Variants in CSMD1 observed in about 807,000 individuals in gnomAD.
CSMD1 encodes the protein CUB and Sushi multiple domains 1, also known as CUB and sushi domain-containing protein 1.
CSMD1 carries 213 observed loss-of-function variants against 417.5 expected under a neutral mutation model. The observed-to-expected ratio is 0.51, with a 90% confidence interval of 0.46 to 0.57. CSMD1 has a LOEUF of 0.57. Ranked by LOEUF, CSMD1 falls within the 20% of genes least tolerant of loss-of-function variation. The pLI is 0.00. For missense variants in CSMD1, 6,923 were observed against 4,529.7 expected (o/e 1.53, Z -15.17); for synonymous variants, 2,862 against 1,736.8 (o/e 1.65, Z -16.11).
chr8:3,776,425 T>C (rs1382550946), intron 5 of CSMD1, among the ~76,000 whole-genome samples: 1 of 152,190 alleles, frequency 6.6e-6, no homozygotes, highest in Non-Finnish European at 1.5e-5. Flanking sequence ...CTCACTCCTG[T>C]CCTTCTCTAA....
At chr8:3,420,361 GA>G (rs1585138512) in intron 12 of CSMD1, among the ~76,000 whole-genome samples, 1 of 151,100 alleles carries the variant, frequency 6.6e-6, no homozygotes, top group Non-Finnish European at 1.5e-5. Context: ...GGGACCAGAT[GA>G]GGCAAGACAA....
intron 2 of CSMD1, among the ~76,000 whole-genome samples, chr8:4,423,726 GCAAA>G (rs140307834): frequency 0.084 from 12,354 of 147,060 alleles, 591 homozygotes; most frequent in South Asian, 0.15. Flanking sequence ...ATGTGGGAAG[GCAAA>G]CAAACAAAAA....
At chr8:3,257,584 A>G (rs1002462687) in intron 26 of CSMD1, among the ~76,000 whole-genome samples, 1 of 152,212 alleles carries the variant, frequency 6.6e-6, no homozygotes, top group Non-Finnish European at 1.5e-5. Flanking sequence ...TGGGCTGGTC[A>G]TGGAAGTTCC....
chr8:4,246,862 A>T (rs1337952214), intron 3 of CSMD1, among the ~76,000 whole-genome samples: 1 of 152,212 alleles, frequency 6.6e-6, no homozygotes, highest in East Asian at 1.9e-4. Flanking sequence ...CACTCAAATA[A>T]TCTACAAAGT....
chr8:4,663,835 G>A (rs895565117), intron 1 of CSMD1, among the ~76,000 whole-genome samples: 2 of 152,166 alleles, frequency 1.3e-5, no homozygotes, highest in Non-Finnish European at 2.9e-5. Context: ...ATCCAGGATC[G>A]TCAGACACTT....
intron 18 of CSMD1, among the ~76,000 whole-genome samples, chr8:3,376,419 T>C (rs1303492673): frequency 6.6e-6 from 1 of 151,998 alleles, no homozygotes; most frequent in Non-Finnish European, 1.5e-5. Context: ...TTTCTATTAA[T>C]AAATTTTTCT....
intron 1 of CSMD1, among the ~76,000 whole-genome samples, chr8:4,924,342 G>T (rs528109673): frequency 2.0e-5 from 3 of 152,106 alleles, no homozygotes; most frequent in Non-Finnish European, 4.4e-5. Flanking sequence ...TTCCTCTCAA[G>T]AATTTGAACG....
chr8:3,617,727 C>A (rs776873742), intron 7 of CSMD1, among the ~76,000 whole-genome samples: 3 of 152,136 alleles, frequency 2.0e-5, no homozygotes, highest in Non-Finnish European at 4.4e-5. Flanking sequence ...GGACCTGCTA[C>A]CTTATTGTTA....
chr8:3,419,329 C>T (rs756549574), intron 12 of CSMD1, among the ~76,000 whole-genome samples: 15 of 152,116 alleles, frequency 9.9e-5, no homozygotes, highest in African/African-American at 2.7e-4. Flanking sequence ...ACTCCACTGC[C>T]GTTTCCAAAA....
intron 2 of CSMD1, among the ~76,000 whole-genome samples, chr8:4,470,921 G>A (rs1332105044): frequency 6.6e-6 from 1 of 152,152 alleles, no homozygotes; most frequent in African/African-American, 2.4e-5. Flanking sequence ...GTATGAATGT[G>A]TAAATAAGTA....
intron 69 of CSMD1, 142 bp downstream of exon 69, chr8:2,942,325 CAAAAT>C: frequency 5.2e-6 from 4 of 765,108 alleles, no homozygotes; most frequent in Admixed American, 3.2e-5. Flanking sequence ...CCCCGGAACT[CAAAAT>C]AAAAGTTGAT....
chr8:4,352,855 C>G (rs1249453743), intron 3 of CSMD1, among the ~76,000 whole-genome samples: 1 of 152,114 alleles, frequency 6.6e-6, no homozygotes, highest in African/African-American at 2.4e-5. Flanking sequence ...ACCTGTTTCT[C>G]TTTGTTTTGT....
intron 2 of CSMD1, among the ~76,000 whole-genome samples, chr8:4,572,514 G>T (rs183229628): frequency 2.7e-4 from 41 of 152,246 alleles, no homozygotes; most frequent in African/African-American, 9.6e-4. Flanking sequence ...TTGCCTTTGT[G>T]GGTAACCCAA....
chr8:3,045,788 C>A (rs1035218465), intron 50 of CSMD1, among the ~76,000 whole-genome samples: 7 of 152,166 alleles, frequency 4.6e-5, no homozygotes, highest in Non-Finnish European at 1.0e-4. Flanking sequence ...GTATCCATGA[C>A]CTTCACCAAA....
chr8:3,802,028 G>A (rs117502847), intron 5 of CSMD1, among the ~76,000 whole-genome samples: 2,264 of 152,224 alleles, frequency 0.015, 47 homozygotes, highest in East Asian at 0.038. Context: ...GCACGATGAT[G>A]TAAGCATACA....
At chr8:4,230,133 A>C (rs1801625258) in intron 3 of CSMD1, among the ~76,000 whole-genome samples, 1 of 152,202 alleles carries the variant, frequency 6.6e-6, no homozygotes, top group South Asian at 2.1e-4. Flanking sequence ...TCATCTCAGA[A>C]TGTGATGACA....
chr8:4,702,361 T>A (rs1807620395), intron 1 of CSMD1, among the ~76,000 whole-genome samples: 1 of 152,210 alleles, frequency 6.6e-6, no homozygotes, highest in Admixed American at 6.5e-5. Context: ...ACCCTCCTGC[T>A]CTCCGAAGTA....
rs191427198 is a variant in CSMD1, at chr8:4,694,958, C to A, written c.86-57400G>T. ...ACTATGAACATACAGGTTCTAGGTT[C>A]TTGTACCTTTCACAGCTTACATTAA... On this transcript the variant is annotated intron_variant, in intron 1 of 69. Transcript: ENST00000635120. 5.9e-5 allele frequency among the ~76,000 whole-genome samples: 9 copies of A among 152,238 alleles called. No homozygotes were observed. The South Asian group carries it at 1.9e-3, about 32-fold the overall frequency.
chr8:3,984,955 A>G (rs963335866), intron 5 of CSMD1, among the ~76,000 whole-genome samples: 2 of 152,004 alleles, frequency 1.3e-5, no homozygotes, highest in African/African-American at 4.8e-5. Context: ...ACACTTTAGA[A>G]TTTGGTGAAG....
Sources: gnomAD v4.1 joint callset for allele counts (sites outside exome capture counted in the v4.1 genomes callset) on GRCh38, gnomAD v4.1.1 for gene constraint, MANE v1.5 for transcripts, NCBI Gene and HGNC (gene_info 2026-07-23, HGNC 2026-07-21) for gene names.